The following PHF24 variants were observed in gnomAD, a reference collection of about 807,000 sequenced individuals.
PHF24 encodes PHD finger protein 24, also known as Galpha inhibitory interacting protein.
A neutral mutation model predicts 42.6 loss-of-function variants in PHF24; 25 were observed. The ratio of observed to expected loss-of-function variants is 0.59; its 90% CI spans 0.43 to 0.82. The LOEUF (loss-of-function observed/expected upper bound fraction) is 0.82. Ranked by LOEUF, PHF24 falls within the 40% of genes least tolerant of loss-of-function variation. PHF24 has a pLI of 0.00. For missense variants in PHF24, 470 were observed against 538.1 expected, an observed-to-expected ratio of 0.87 and a Z score of 1.25; for synonymous variants, 185 against 204.8, an observed-to-expected ratio of 0.90 and a Z score of 0.83.
At chr9:34,666,736 A>C in the PHF24 span, among the ~76,000 whole-genome samples, 2 of 152,136 alleles carry the variant, frequency 1.3e-5, no homozygotes, top group African/African-American at 2.4e-5. Flanking sequence ...TCACGAGTTC[A>C]GGAGTTCAAG....
the PHF24 span, among the ~76,000 whole-genome samples, chr9:34,878,505 C>A: frequency 6.6e-6 from 1 of 152,172 alleles, no homozygotes; most frequent in African/African-American, 2.4e-5. Context: ...AAAATCGGGA[C>A]ACTCTCACCC....
exon 8 of PHF24, chr9:34,978,379 C>T: frequency 2.0e-6 from 1 of 496,150 alleles, no homozygotes; most frequent in Middle Eastern, 4.9e-4. Flanking sequence ...GACCTGCCAC[C>T]ACACTTATAT....
the PHF24 span, among the ~76,000 whole-genome samples, chr9:34,863,816 A>G: frequency 7.2e-5 from 11 of 152,254 alleles, no homozygotes; most frequent in African/African-American, 2.7e-4. Context: ...CCAGGGACCA[A>G]TCCTGGAGGA....
chr9:34,849,970 C>T, the PHF24 span, among the ~76,000 whole-genome samples: 17 of 152,266 alleles, frequency 1.1e-4, no homozygotes, highest in East Asian at 7.7e-4. Flanking sequence ...CTGAGAGATC[C>T]GCTGTTAGTC....
At chr9:34,948,683 TATG>T in the PHF24 span, among the ~76,000 whole-genome samples, 1 of 152,208 alleles carries the variant, frequency 6.6e-6, no homozygotes, top group Non-Finnish European at 1.5e-5. Flanking sequence ...AGGTACACTT[TATG>T]ATATTTGCAC....
the PHF24 span, among the ~76,000 whole-genome samples, chr9:34,780,321 C>CAG: frequency 0.58 from 58,340 of 101,396 alleles, 16,475 homozygotes; most frequent in Middle Eastern, 0.66. Context: ...TTTTTTGAGA[C>CAG]AGTCTTACTC....
chr9:34,737,547 A>G, the PHF24 span, among the ~76,000 whole-genome samples: 1 of 152,180 alleles, frequency 6.6e-6, no homozygotes, highest in Non-Finnish European at 1.5e-5. Flanking sequence ...TCTCTTGGGT[A>G]TATACATAGG....
chr9:34,820,380 C>T, the PHF24 span, among the ~76,000 whole-genome samples: 1 of 152,090 alleles, frequency 6.6e-6, no homozygotes, highest in East Asian at 1.9e-4. Flanking sequence ...TCCTCACCCT[C>T]CTTCCACCCT....
At chr9:34,785,892 T>C in the PHF24 span, among the ~76,000 whole-genome samples, 1 of 152,214 alleles carries the variant, frequency 6.6e-6, no homozygotes, top group African/African-American at 2.4e-5. Context: ...GGGAACATAA[T>C]TAGATATTGG....
the PHF24 span, among the ~76,000 whole-genome samples, chr9:34,701,597 G>A: frequency 6.6e-6 from 1 of 152,124 alleles, no homozygotes; most frequent in Admixed American, 6.5e-5. This position sits in a 1 kb window ranked among gnomAD's most constrained non-coding sequence, Gnocchi z 5.8. Context: ...AACAGCCTCT[G>A]GCGCCCTCCC....
At chr9:34,712,718 A>G in the PHF24 span, among the ~76,000 whole-genome samples, 1 of 151,630 alleles carries the variant, frequency 6.6e-6, no homozygotes, top group Non-Finnish European at 1.5e-5. Flanking sequence ...CAGCTCTTTG[A>G]GCATATTTAA....
At chr9:34,741,917 C>G in the PHF24 span, among the ~76,000 whole-genome samples, 23 of 152,030 alleles carry the variant, frequency 1.5e-4, no homozygotes, top group Non-Finnish European at 2.8e-4. Context: ...GGGGAGAGAA[C>G]AGGAAGTGCT....
chr9:34,849,083 T>G, the PHF24 span, among the ~76,000 whole-genome samples: 1 of 152,210 alleles, frequency 6.6e-6, no homozygotes, highest in Non-Finnish European at 1.5e-5. Flanking sequence ...TTCTGTTGAT[T>G]TGGTGTGGAG....
At chr9:34,917,118 G>A in the PHF24 span, 76 of 807,570 alleles carry the variant, frequency 9.4e-5, no homozygotes, top group Admixed American at 2.2e-4. Context: ...TCCTCACCTC[G>A]CTCTCGCGGC....
chr9:34,929,010 A>G, the PHF24 span, among the ~76,000 whole-genome samples: 1 of 152,124 alleles, frequency 6.6e-6, no homozygotes, highest in East Asian at 1.9e-4. Context: ...CACTCCCTAG[A>G]CACTTGCCTT....
chr9:34,668,828 A>G, the PHF24 span, among the ~76,000 whole-genome samples: 1 of 152,220 alleles, frequency 6.6e-6, no homozygotes, highest in Non-Finnish European at 1.5e-5. Flanking sequence ...GACAATAGAC[A>G]GAACTCAAAG....
At chr9:34,942,811 G>T in the PHF24 span, among the ~76,000 whole-genome samples, 1 of 151,912 alleles carries the variant, frequency 6.6e-6, no homozygotes, top group African/African-American at 2.4e-5. Context: ...AGAACACTTG[G>T]ACCAAAGGCG....
intron 1 of PHF24, among the ~76,000 whole-genome samples, chr9:34,966,345 G>A (rs1285224722): frequency 1.3e-5 from 2 of 152,134 alleles, no homozygotes; most frequent in Non-Finnish European, 1.5e-5. Flanking sequence ...CTAGCTACTT[G>A]GGAGGCTGAG....
chr9:34,776,981 A>G, the PHF24 span, among the ~76,000 whole-genome samples: 106 of 152,316 alleles, frequency 7.0e-4, 1 homozygote, highest in African/African-American at 2.3e-3. Context: ...ATTTGGCTGT[A>G]AACAGCATCA....
Sources: allele counts gnomAD v4.1 joint callset (sites outside exome capture counted in the v4.1 genomes callset), GRCh38; gene constraint gnomAD v4.1.1; non-coding constraint Gnocchi (gnomAD v3.1); transcripts MANE v1.5; gene names NCBI Gene and HGNC (gene_info 2026-07-23, HGNC 2026-07-21).